KPNA2: variants seen among roughly 807,000 people sequenced by gnomAD.
The protein encoded by KPNA2 is importin subunit alpha-1.
A neutral mutation model predicts 53.7 loss-of-function variants in KPNA2; 20 were observed. The observed-to-expected ratio is 0.37, with a 90% CI of 0.26 to 0.54. The LOEUF is 0.54. Among genes scored for constraint, KPNA2 ranks in the 20% least tolerant of loss-of-function variants. The pLI, the probability that KPNA2 is intolerant of heterozygous loss-of-function variation, is 0.83. For synonymous variants in KPNA2, 238 were observed against 227.5 expected (o/e 1.05, Z -0.42); for missense variants, 515 against 640.3 (o/e 0.80, Z 2.11).
Position 68,044,242 on chromosome 17 carries a change from T to C in KPNA2, c.1165-79T>C, listed in dbSNP as rs2071301670. The C allele has an allele frequency of 6.3e-6, 9 of 1,424,490 alleles. No homozygotes were observed. The South Asian group carries it at 9.0e-5, about 14-fold the overall frequency. 88.2% of individuals were successfully genotyped at this position (1,424,490 alleles called of 1,614,324 possible). On this transcript the variant is annotated intron_variant, in intron 8 of 10. Transcript: ENST00000330459. ...GATAGAACCTTGGTACTTTCAGTCATTGTTTTTGTGAAAAAGTACTCTTGG... is the reference window on the plus strand; with the variant it reads ...GATAGAACCTTGGTACTTTCAGTCACTGTTTTTGTGAAAAAGTACTCTTGG...
intron 9 of KPNA2, among the ~76,000 whole-genome samples, chr17:68,044,952 A>G (rs1477263255): frequency 9.9e-5 from 15 of 152,046 alleles, no homozygotes; most frequent in Non-Finnish European, 1.9e-4. Flanking sequence ...AGAATTAGCC[A>G]TGTGTGGTGG....
At position 68,043,948 on chromosome 17, in the gene KPNA2, C is replaced by G. The variant is rs185003293; in HGVS notation, c.1041C>G (p.Pro347=). The G allele has an allele frequency of 1.1e-5, 18 of 1,613,800 alleles. No homozygotes were observed. The Admixed American group carries it at 2.7e-4, about 24-fold the overall frequency. Residue 347 remains proline, a synonymous_variant, in exon 8 of 11, where the codon CCC becomes CCG. Coordinates refer to ENST00000330459, the MANE Select transcript of KPNA2 (RefSeq NM_002266.4). ...TCTTTCCCAGCCTGCTCACCAACCCCAAAACTAACATTCAGAAGGAAGCTA... is the reference window on the plus strand; with the variant it reads ...TCTTTCCCAGCCTGCTCACCAACCCGAAAACTAACATTCAGAAGGAAGCTA... ...LAVFPSLLTN[P]KTNIQKEATW...
chr17:68,040,588 A>ATGTT (rs1217069666), intron 3 of KPNA2, 90 bp from the exon 4 acceptor site: 3 of 826,032 alleles, frequency 3.6e-6, no homozygotes, highest in Non-Finnish European at 6.2e-6. Context: ...AAGCCTAACG[A>ATGTT]TGTTTACACT....
intron 4 of KPNA2, 57 bp downstream of exon 4, chr17:68,040,823 T>G: frequency 9.6e-7 from 1 of 1,046,026 alleles, no homozygotes; most frequent in Non-Finnish European, 1.4e-6. Context: ...TTTAGATTTT[T>G]TTTTGGGGGG....
At chr17:68,037,229 C>G in intron 2 of KPNA2, 22 bp downstream of exon 2, 1 of 1,597,280 alleles carries the variant, frequency 6.3e-7, no homozygotes, top group Non-Finnish European at 8.5e-7. Context: ...CTGTTGCTTT[C>G]CTGTGGTGGT....
chr17:68,044,274 A>C (rs782673689), intron 8 of KPNA2, 47 bp from the exon 9 acceptor site: 1 of 1,534,460 alleles, frequency 6.5e-7, no homozygotes, highest in Non-Finnish European at 8.9e-7. Flanking sequence ...TTGGAATCTT[A>C]TTTGTGCAAC....
At position 68,045,866 on chromosome 17, in the gene KPNA2, A is replaced by G. The variant is rs782028236; in HGVS notation, c.1442A>G (p.Asn481Ser). The G allele has an allele frequency of 6.2e-7, 1 of 1,609,490 alleles. No homozygotes were observed. Residue 481 changes from asparagine (N) to serine (S), a missense_variant, in exon 10 of 11, where the codon AAT (asparagine) becomes AGT (serine). Physicochemically the swap from Asn to Ser is conservative, Grantham distance 46. Coordinates refer to ENST00000330459, the MANE Select transcript of KPNA2 (RefSeq NM_002266.4). Reference sequence around the variant, plus strand: ...ATTGAAGCTCTACAAAACCATGAAAATGAGTCTGTGTATAAGGCTTCGTTA... The same window carrying G: ...ATTGAAGCTCTACAAAACCATGAAAGTGAGTCTGTGTATAAGGCTTCGTTA... ...DKIEALQNHE[N>S]ESVYKASLSL...
chr17:68,044,877 C>T (rs530421669), intron 9 of KPNA2, among the ~76,000 whole-genome samples: 10 of 152,220 alleles, frequency 6.6e-5, no homozygotes, highest in South Asian at 2.1e-4. Flanking sequence ...GGTGGATCAC[C>T]TGAGGTCAAG....
At chr17:68,046,468 T>C (rs782070530) in intron 10 of KPNA2, 36 bp from the exon 11 acceptor site, 53 of 1,343,138 alleles carry the variant, frequency 3.9e-5, no homozygotes, top group South Asian at 3.8e-4. Context: ...GGAATACTTA[T>C]ATCATTTTTA....
At chr17:68,040,021 G>A (rs960744328) in intron 3 of KPNA2, among the ~76,000 whole-genome samples, 19 of 151,894 alleles carry the variant, frequency 1.3e-4, no homozygotes, top group African/African-American at 4.4e-4. Flanking sequence ...CGGAGGTGGT[G>A]GTGAGCCAAG....
chr17:68,043,774 G>C (rs1330303582), intron 7 of KPNA2, 64 bp from the exon 8 acceptor site: 30 of 993,492 alleles, frequency 3.0e-5, no homozygotes, highest in Admixed American at 5.6e-5. Context: ...AAACTTTTAG[G>C]GTATAGAATT....
Position 68,045,819 on chromosome 17 carries a change from A to G in KPNA2, c.1395A>G (p.Glu465=). The change falls in exon 10 of 11, where the codon GAA becomes GAG. Residue 465 remains glutamate, a synonymous_variant. Coordinates refer to ENST00000330459, the MANE Select transcript of KPNA2 (RefSeq NM_002266.4). ...CTGAGAAACTTAGTATAATGATTGA[A>G]GAATGTGGAGGCTTAGACAAAATTG... ...GETEKLSIMI[E]ECGGLDKIEA... is the part of the protein sequence containing the mutation. 6.2e-7 allele frequency: 1 copy of G among 1,604,132 alleles called. No individual in the cohort carries two copies. The highest frequency in any genetic ancestry group is 2.2e-5 in the East Asian group (1 of 44,760).
At chr17:68,044,708 G>GA (rs1370144172) in intron 9 of KPNA2, among the ~76,000 whole-genome samples, 1 of 152,200 alleles carries the variant, frequency 6.6e-6, no homozygotes, top group African/African-American at 2.4e-5. Context: ...GGTGTGACCT[G>GA]AATCGGAGTC....
Position 68,038,277 on chromosome 17 carries a change from T to G in KPNA2, c.213+782T>G, listed in dbSNP as rs148421445. Among the ~76,000 whole-genome samples, 85 of 152,254 alleles carry G rather than the reference T, an allele frequency of 5.6e-4. 7 individuals carry two copies. The East Asian group carries it at 0.016, about 29-fold the overall frequency. On this transcript the variant is annotated intron_variant, in intron 3 of 10. Transcript: ENST00000330459. ...GGCGTGAGCCACTGCCCGGCCTGTT[T>G]TTGTATTTTTAGTAGAGGCGGGGTT...
chr17:68,040,756 C>A lies in KPNA2; in HGVS notation c.292C>A (p.Gln98Lys). 1.9e-6 allele frequency: 3 copies of A among 1,609,388 alleles called. No homozygotes were observed. The highest frequency in any genetic ancestry group is 1.1e-5 in the South Asian group (1 of 90,974). The change falls in exon 4 of 11, where the codon CAA becomes AAA. Residue 98 changes from glutamine (Q) to lysine (K), a missense_variant. Physicochemically the swap from Gln to Lys is moderately conservative, Grantham distance 53. Coordinates refer to ENST00000330459, the MANE Select transcript of KPNA2 (RefSeq NM_002266.4). ...TGTGGAAAATCAGCTCCAAGCTACT[C>A]AAGCTGCCAGGTAAGTCTTGTCTGC... The part of the protein sequence containing the change: ...SNVENQLQAT[Q>K]AARKLLSREK...
intron 1 of KPNA2, 186 bp from the exon 2 acceptor site, chr17:68,036,924 T>C (rs372843532): frequency 2.1e-4 from 109 of 514,614 alleles, no homozygotes; most frequent in African/African-American, 1.7e-3. Context: ...GTCTCAGCCC[T>C]TTAGAGGGAA....
chr17:68,046,428 T>G (rs1172019662), intron 10 of KPNA2, 76 bp from the exon 11 acceptor site: 9 of 860,168 alleles, frequency 1.0e-5, no homozygotes, highest in Non-Finnish European at 1.5e-5. Context: ...ACCTAGAGAT[T>G]AAATACAGAC....
intron 3 of KPNA2, among the ~76,000 whole-genome samples, chr17:68,039,941 A>G (rs189428692): frequency 6.6e-6 from 1 of 151,310 alleles, no homozygotes; most frequent in Non-Finnish European, 1.5e-5. Context: ...TTAGCCAGGC[A>G]TGGTGGCGCA....
chr17:68,042,539 T>A (rs957716956), intron 5 of KPNA2, among the ~76,000 whole-genome samples, 186 bp downstream of exon 5: 1 of 152,206 alleles, frequency 6.6e-6, no homozygotes, highest in African/African-American at 2.4e-5. Flanking sequence ...GAGTTTTTGC[T>A]GGTGCATTCA....
Sources: allele counts gnomAD v4.1 joint callset (sites outside exome capture counted in the v4.1 genomes callset), GRCh38; gene constraint gnomAD v4.1.1; transcripts MANE v1.5; gene names NCBI Gene and HGNC (gene_info 2026-07-23, HGNC 2026-07-21).